FHIT: variants seen among roughly 807,000 people sequenced by gnomAD.
FHIT encodes the protein fragile histidine triad diadenosine triphosphatase, also known as bis(5'-adenosyl)-triphosphatase.
Under a neutral mutation model 17.9 loss-of-function variants are expected in FHIT, and 19 were observed. That is an observed-to-expected ratio of 1.06 (90% CI 0.74 to 1.56). FHIT has a LOEUF of 1.56. Ranked by LOEUF, FHIT falls within the 40% of genes most tolerant of loss-of-function variation. FHIT has a pLI of 0.00. For missense variants in FHIT, 248 were observed against 189.2 expected (o/e 1.31, Z -1.82); for synonymous variants, 81 against 69.7 (o/e 1.16, Z -0.81).
At chr3:59,967,753 T>C (rs1374214668) in intron 7 of FHIT, among the ~76,000 whole-genome samples, 2 of 151,926 alleles carry the variant, frequency 1.3e-5, no homozygotes, top group African/African-American at 2.4e-5. Context: ...ATACAACATA[T>C]AGTATATAAA....
chr3:60,106,979 T>C (rs1332503100), intron 5 of FHIT, among the ~76,000 whole-genome samples: 2 of 152,152 alleles, frequency 1.3e-5, no homozygotes, highest in Non-Finnish European at 2.9e-5. Flanking sequence ...TCCCATTGTC[T>C]GTATATAATT....
chr3:60,758,300 G>T (rs2108047292), intron 4 of FHIT, among the ~76,000 whole-genome samples: 1 of 152,298 alleles, frequency 6.6e-6, no homozygotes. Flanking sequence ...CCAAGGTACT[G>T]CACTCTGTCT....
intron 1 of FHIT, among the ~76,000 whole-genome samples, chr3:61,212,269 T>A (rs34706798): frequency 0.39 from 59,402 of 151,866 alleles, 11,929 homozygotes; most frequent in East Asian, 0.52. Context: ...ATTTAGACGA[T>A]TGTATAACTA....
intron 8 of FHIT, among the ~76,000 whole-genome samples, chr3:59,919,806 A>G (rs939109212): frequency 1.3e-5 from 2 of 152,220 alleles, no homozygotes; most frequent in African/African-American, 4.8e-5. Context: ...TCCCATCAAT[A>G]TAAAGAATGC....
At chr3:61,132,614 A>C (rs2036797905) in intron 2 of FHIT, among the ~76,000 whole-genome samples, 1 of 152,214 alleles carries the variant, frequency 6.6e-6, no homozygotes, top group Admixed American at 6.5e-5. Context: ...AGGAGCTGAC[A>C]AGTGCAAAAG....
intron 4 of FHIT, among the ~76,000 whole-genome samples, chr3:60,550,577 C>T (rs1015858310): frequency 2.6e-5 from 4 of 151,440 alleles, no homozygotes; most frequent in African/African-American, 9.7e-5. Context: ...TTTTCAAGAT[C>T]TCACTTCATC....
chr3:60,578,652 A>C (rs557881867), intron 4 of FHIT, among the ~76,000 whole-genome samples: 1 of 152,290 alleles, frequency 6.6e-6, no homozygotes, highest in African/African-American at 2.4e-5. Context: ...AGAATAATTT[A>C]AAAGAAAACA....
intron 3 of FHIT, among the ~76,000 whole-genome samples, chr3:60,885,651 T>A (rs1705189904): frequency 6.6e-6 from 1 of 152,182 alleles, no homozygotes; most frequent in East Asian, 1.9e-4. Context: ...TCACCAATTA[T>A]CAACCTCACT....
At chr3:59,871,561 T>C (rs1033374030) in intron 8 of FHIT, among the ~76,000 whole-genome samples, 1 of 152,136 alleles carries the variant, frequency 6.6e-6, no homozygotes, top group East Asian at 1.9e-4. Flanking sequence ...TAATAAGTTT[T>C]ACAGGCTAGC....
intron 7 of FHIT, among the ~76,000 whole-genome samples, chr3:59,989,333 C>A (rs1206251262): frequency 6.6e-6 from 1 of 151,960 alleles, no homozygotes; most frequent in African/African-American, 2.4e-5. Context: ...TGACTTCCCC[C>A]ACACATTAGG....
intron 3 of FHIT, among the ~76,000 whole-genome samples, chr3:60,862,602 C>T (rs1317142173): frequency 4.6e-5 from 7 of 152,116 alleles, no homozygotes; most frequent in African/African-American, 4.8e-5. Context: ...GTAATACCAG[C>T]ACTTTGGGAG....
chr3:60,340,771 C>A (rs1710476981), intron 5 of FHIT, among the ~76,000 whole-genome samples: 1 of 152,040 alleles, frequency 6.6e-6, no homozygotes, highest in South Asian at 2.1e-4. Context: ...GCAGTGGCGT[C>A]ATCTTGGCTC....
In FHIT at chr3:60,035,310, C is replaced by T. The variant is rs139055953; in HGVS notation, c.104-21158G>A. Among the ~76,000 whole-genome samples, 1,200 of 152,346 alleles carry T rather than the reference C, an allele frequency of 7.9e-3. 13 individuals are homozygous for T. The highest frequency in any genetic ancestry group is 0.027 in the African/African-American group (1,115 of 41,564). ...GGAGTGCAATGGCACAGTCTCTGCTCACTGCAACCCCTGCCTCCTGGGTTC... is the reference window on the plus strand; with the variant it reads ...GGAGTGCAATGGCACAGTCTCTGCTTACTGCAACCCCTGCCTCCTGGGTTC... On this transcript the variant is annotated intron_variant, in intron 5 of 9. Coordinates refer to ENST00000492590, the MANE Select transcript of FHIT (RefSeq NM_002012.4).
chr3:60,148,913 C>G (rs1448193025), intron 5 of FHIT, among the ~76,000 whole-genome samples: 1 of 152,166 alleles, frequency 6.6e-6, no homozygotes, highest in African/African-American at 2.4e-5. Flanking sequence ...ACTCTGCTGT[C>G]CTTTCTTCCC....
At chr3:60,792,746 C>T (rs1456165377) in intron 4 of FHIT, among the ~76,000 whole-genome samples, 2 of 152,124 alleles carry the variant, frequency 1.3e-5, no homozygotes, top group African/African-American at 4.8e-5. Context: ...ACTGAGGAAT[C>T]ACAATACAAG....
At chr3:60,150,751 C>T (rs750479495) in intron 5 of FHIT, among the ~76,000 whole-genome samples, 2 of 152,084 alleles carry the variant, frequency 1.3e-5, no homozygotes, top group Admixed American at 1.3e-4. Flanking sequence ...AACCCCTTCT[C>T]TATTAAAAAG....
intron 5 of FHIT, among the ~76,000 whole-genome samples, chr3:60,156,795 A>C (rs1161729820): frequency 6.6e-6 from 1 of 152,180 alleles, no homozygotes; most frequent in Non-Finnish European, 1.5e-5. Context: ...ATTTTATTTC[A>C]ATAATGCCAA....
intron 5 of FHIT, among the ~76,000 whole-genome samples, chr3:60,424,536 A>G (rs1451692417): frequency 6.6e-6 from 1 of 152,136 alleles, no homozygotes; most frequent in Non-Finnish European, 1.5e-5. Context: ...CCAATCAGTC[A>G]CAATCTCTTG....
chr3:59,829,674 G>T (rs182976698), intron 8 of FHIT, among the ~76,000 whole-genome samples: 2 of 152,246 alleles, frequency 1.3e-5, no homozygotes, highest in Non-Finnish European at 2.9e-5. Context: ...GACCAGTTCT[G>T]GCCAAGGGAC....
Sources: gnomAD v4.1 joint callset for allele counts (sites outside exome capture counted in the v4.1 genomes callset) on GRCh38, gnomAD v4.1.1 for gene constraint, MANE v1.5 for transcripts, NCBI Gene and HGNC (gene_info 2026-07-23, HGNC 2026-07-21) for gene names.